Variants in CSMD1 observed in about 807,000 individuals in gnomAD.
CSMD1 encodes CUB and Sushi multiple domains 1, also known as CUB and sushi domain-containing protein 1.
A neutral mutation model predicts 417.5 loss-of-function variants in CSMD1; 213 were observed. The observed-to-expected ratio is 0.51, with a 90% confidence interval of 0.46 to 0.57. The LOEUF (loss-of-function observed/expected upper bound fraction) is 0.57, where lower values mean the gene tolerates loss of function less well. CSMD1 is among the 20% of genes least tolerant of loss of function. The pLI, the probability that CSMD1 is intolerant of heterozygous loss-of-function variation, is 0.00. For synonymous variants in CSMD1, 2,862 were observed against 1,736.8 expected (o/e 1.65, Z -16.11); for missense variants, 6,923 against 4,529.7 (o/e 1.53, Z -15.17).
chr8:4,151,100 T>A (rs1489900645), intron 3 of CSMD1, among the ~76,000 whole-genome samples: 3 of 152,134 alleles, frequency 2.0e-5, no homozygotes, highest in Admixed American at 6.5e-5. Flanking sequence ...CTTGCATCCT[T>A]CTCCCAGCAG....
chr8:4,116,884 A>G (rs1802183453), intron 3 of CSMD1, among the ~76,000 whole-genome samples: 1 of 152,046 alleles, frequency 6.6e-6, no homozygotes, highest in African/African-American at 2.4e-5. Flanking sequence ...AAAAAGAATA[A>G]GCTTTCTGAA....
chr8:3,606,842 C>A (rs1256941177), intron 8 of CSMD1, among the ~76,000 whole-genome samples: 2 of 151,834 alleles, frequency 1.3e-5, no homozygotes, highest in Non-Finnish European at 2.9e-5. Context: ...TCCCAAGAAG[C>A]TGGGACTACA....
chr8:4,363,958 ATGAG>A (rs1321022694), intron 3 of CSMD1, among the ~76,000 whole-genome samples: 1 of 152,198 alleles, frequency 6.6e-6, no homozygotes, highest in African/African-American at 2.4e-5. Context: ...AAAAGAAAGA[ATGAG>A]TAAGACCTAC....
At chr8:4,094,018 A>G (rs1165091664) in intron 3 of CSMD1, among the ~76,000 whole-genome samples, 1 of 152,094 alleles carries the variant, frequency 6.6e-6, no homozygotes, top group Non-Finnish European at 1.5e-5. Flanking sequence ...AGATAAAGAA[A>G]AAAGACAAAG....
chr8:3,422,803 C>A (rs758285410), intron 12 of CSMD1, among the ~76,000 whole-genome samples: 7 of 152,218 alleles, frequency 4.6e-5, no homozygotes, highest in African/African-American at 1.7e-4. Flanking sequence ...CTAGGAAGAT[C>A]AAGATAAAGG....
At chr8:4,392,839 G>C (rs930241514) in intron 3 of CSMD1, among the ~76,000 whole-genome samples, 19 of 151,714 alleles carry the variant, frequency 1.3e-4, no homozygotes, top group African/African-American at 4.6e-4. Flanking sequence ...GTGGTGGCAG[G>C]CACCTGTAAT....
At chr8:3,095,372 G>C (rs958546991) in intron 47 of CSMD1, among the ~76,000 whole-genome samples, 1 of 151,962 alleles carries the variant, frequency 6.6e-6, no homozygotes, top group South Asian at 2.1e-4. Context: ...TTTTATACTT[G>C]CGTAATGAGT....
intron 3 of CSMD1, among the ~76,000 whole-genome samples, chr8:4,197,927 T>G (rs1405027274): frequency 2.0e-5 from 3 of 152,210 alleles, no homozygotes; most frequent in African/African-American, 7.2e-5. Context: ...TTCATTCATT[T>G]AGTAATTCTG....
intron 3 of CSMD1, among the ~76,000 whole-genome samples, chr8:4,377,070 G>C (rs1420781899): frequency 6.6e-6 from 1 of 152,150 alleles, no homozygotes; most frequent in Non-Finnish European, 1.5e-5. Flanking sequence ...CATTGCTTCT[G>C]TTGCTTTCAT....
intron 11 of CSMD1, among the ~76,000 whole-genome samples, chr8:3,471,588 TTCCC>T (rs1430064577): frequency 1.5e-5 from 2 of 135,792 alleles, no homozygotes; most frequent in Admixed American, 7.3e-5. Flanking sequence ...CTCTCCTTCC[TTCCC>T]TCCCTCCTTC....
intron 5 of CSMD1, among the ~76,000 whole-genome samples, chr8:3,900,411 G>T (rs1307598913): frequency 6.6e-6 from 1 of 151,544 alleles, no homozygotes; most frequent in East Asian, 1.9e-4. Context: ...GGGTGACAGG[G>T]CAGCTGGGTG....
At chr8:3,407,468 G>T (rs1812423613) in intron 14 of CSMD1, among the ~76,000 whole-genome samples, 1 of 151,954 alleles carries the variant, frequency 6.6e-6, no homozygotes. Context: ...TGGAAGAAAG[G>T]ATGGATAGAT....
chr8:3,764,961 T>C (rs1798192825), intron 5 of CSMD1, among the ~76,000 whole-genome samples: 1 of 151,906 alleles, frequency 6.6e-6, no homozygotes, highest in South Asian at 2.1e-4. Context: ...ACCAGGCTGG[T>C]CTCGAACTCC....
chr8:4,316,267 G>A (rs1470145645), intron 3 of CSMD1, among the ~76,000 whole-genome samples: 1 of 152,104 alleles, frequency 6.6e-6, no homozygotes, highest in Non-Finnish European at 1.5e-5. Context: ...CCTCGAATCT[G>A]AATTTGTTGT....
chr8:4,305,809 G>A (rs918642548), intron 3 of CSMD1, among the ~76,000 whole-genome samples: 2 of 152,122 alleles, frequency 1.3e-5, no homozygotes, highest in Non-Finnish European at 2.9e-5. Context: ...TTCAAAAGCA[G>A]GAAAACAACC....
At chr8:3,162,725 A>G (rs1389273733) in intron 37 of CSMD1, among the ~76,000 whole-genome samples, 1 of 152,050 alleles carries the variant, frequency 6.6e-6, no homozygotes, top group African/African-American at 2.4e-5. Context: ...TACAAAAAAA[A>G]AAAAGAGAAA....
intron 1 of CSMD1, among the ~76,000 whole-genome samples, chr8:4,751,255 C>T (rs1004206575): frequency 1.1e-4 from 16 of 152,062 alleles, no homozygotes; most frequent in East Asian, 3.9e-4. Flanking sequence ...CATTGTGGCA[C>T]GCACCTGCAG....
intron 1 of CSMD1, among the ~76,000 whole-genome samples, chr8:4,962,935 G>C (rs1031376327): frequency 1.3e-5 from 2 of 152,182 alleles, no homozygotes; most frequent in African/African-American, 4.8e-5. Flanking sequence ...CAGGATGAGA[G>C]ATGGGAGGAG....
chr8:3,810,748 C>T (rs1158102563), intron 5 of CSMD1, among the ~76,000 whole-genome samples: 1 of 152,128 alleles, frequency 6.6e-6, no homozygotes, highest in African/African-American at 2.4e-5. Flanking sequence ...GGTTCAATTC[C>T]TGGCTTTGGC....
Sources: gnomAD v4.1 joint callset for allele counts (sites outside exome capture counted in the v4.1 genomes callset) on GRCh38, gnomAD v4.1.1 for gene constraint, MANE v1.5 for transcripts, NCBI Gene and HGNC (gene_info 2026-07-23, HGNC 2026-07-21) for gene names.